Variants in STK32C observed in about 807,000 individuals in gnomAD.
STK32C encodes the protein serine/threonine-protein kinase 32C.
STK32C carries 31 observed loss-of-function variants against 56.5 expected under a neutral mutation model. The ratio of observed to expected loss-of-function variants is 0.55; its 90% CI spans 0.41 to 0.74. The LOEUF is 0.74. Among genes scored for constraint, STK32C ranks in the 30% least tolerant of loss-of-function variants. The probability of loss-of-function intolerance (pLI) is 0.00; values close to 1 mark genes in which losing one functional copy is unlikely to be tolerated. For synonymous variants in STK32C, 309 were observed against 289.4 expected, an observed-to-expected ratio of 1.07 and a Z score of -0.69; for missense variants, 544 against 676.9, an observed-to-expected ratio of 0.80 and a Z score of 2.18.
intron 1 of STK32C, among the ~76,000 whole-genome samples, chr10:132,263,259 G>A (rs371822541): frequency 2.0e-5 from 3 of 152,102 alleles, no homozygotes; most frequent in South Asian, 2.1e-4. Context: ...TCACACAATC[G>A]TAAAAAAGAG....
chr10:132,319,124 T>C (rs1274477155), downstream of STK32C, among the ~76,000 whole-genome samples: 1 of 151,782 alleles, frequency 6.6e-6, no homozygotes, highest in Non-Finnish European at 1.5e-5. Context: ...AGTTTTTGTA[T>C]TTTTAGTAGA....
intron 4 of STK32C, among the ~76,000 whole-genome samples, chr10:132,226,361 A>G (rs1161454058): frequency 6.6e-6 from 1 of 152,000 alleles, no homozygotes; most frequent in Non-Finnish European, 1.5e-5. Context: ...TCTTTTTTTA[A>G]ATTTTATTTT....
chr10:132,223,438 C>T (rs556979161), intron 8 of STK32C, among the ~76,000 whole-genome samples: 18 of 152,372 alleles, frequency 1.2e-4, no homozygotes, highest in Middle Eastern at 3.4e-3. Context: ...AACATCCCAG[C>T]GCTGGCACCT....
At chr10:132,304,974 T>G (rs952076106) in intron 1 of STK32C, among the ~76,000 whole-genome samples, 16 of 152,124 alleles carry the variant, frequency 1.1e-4, no homozygotes, top group African/African-American at 3.9e-4. Flanking sequence ...GTTGCAGAGC[T>G]GCTTAGCGGG....
chr10:132,292,546 C>G (rs1030128616), intron 1 of STK32C, among the ~76,000 whole-genome samples: 1 of 152,194 alleles, frequency 6.6e-6, no homozygotes, highest in African/African-American at 2.4e-5. Context: ...CATGCACACA[C>G]TCACATGCTC....
chr10:132,223,540 C>T (rs943264461), intron 8 of STK32C, among the ~76,000 whole-genome samples: 6 of 152,258 alleles, frequency 3.9e-5, no homozygotes, highest in Non-Finnish European at 7.3e-5. Context: ...CCAGTCCCCA[C>T]GCAGGCCCTC....
chr10:132,284,472 T>G, intron 1 of STK32C, among the ~76,000 whole-genome samples: 1 of 147,874 alleles, frequency 6.8e-6, no homozygotes, highest in Non-Finnish European at 1.5e-5. Context: ...CAGGTGAGGT[T>G]GGGAGGGCAG....
chr10:132,270,540 G>A (rs780387338), intron 1 of STK32C, among the ~76,000 whole-genome samples: 3 of 152,354 alleles, frequency 2.0e-5, no homozygotes, highest in Non-Finnish European at 2.9e-5. Flanking sequence ...TGTGGGAACC[G>A]CAGGGTATGG....
intron 1 of STK32C, among the ~76,000 whole-genome samples, chr10:132,299,999 C>T (rs1345983065): frequency 6.6e-6 from 1 of 152,240 alleles, no homozygotes; most frequent in African/African-American, 2.4e-5. Context: ...CTGCTCACAT[C>T]CCAGCATCGT....
chr10:132,269,629 T>A (rs1476904866), intron 1 of STK32C, among the ~76,000 whole-genome samples: 3 of 152,224 alleles, frequency 2.0e-5, no homozygotes, highest in Non-Finnish European at 4.4e-5. Flanking sequence ...ATGGTCTTAT[T>A]TTCCAAACCT....
intron 1 of STK32C, chr10:132,249,177 G>A: frequency 5.1e-6 from 2 of 391,842 alleles, no homozygotes; most frequent in African/African-American, 2.1e-5. Context: ...GGGGCTATGG[G>A]GGTCAGGGCG....
chr10:132,225,175 G>C, intron 7 of STK32C, 58 bp downstream of exon 7: 1 of 1,426,370 alleles, frequency 7.0e-7, no homozygotes, highest in Non-Finnish European at 9.5e-7. Flanking sequence ...CCCAGCACTG[G>C]TGGGGGCAGA....
At chr10:132,277,060 A>C (rs2065015520) in intron 1 of STK32C, among the ~76,000 whole-genome samples, 1 of 152,258 alleles carries the variant, frequency 6.6e-6, no homozygotes, top group Non-Finnish European at 1.5e-5. Context: ...GAAGTAAGGA[A>C]AGGCATTATT....
chr10:132,322,804 T>TG (rs934407670), downstream of STK32C, among the ~76,000 whole-genome samples: 8 of 152,224 alleles, frequency 5.3e-5, no homozygotes, highest in Non-Finnish European at 1.0e-4. Context: ...TCCAGTGTCC[T>TG]GGGGTGGAGG....
intron 2 of STK32C, 36 bp from the exon 3 acceptor site, chr10:132,228,164 G>A (rs2062961661): frequency 6.2e-7 from 1 of 1,613,466 alleles, no homozygotes; most frequent in African/African-American, 1.3e-5. Flanking sequence ...GGACGCCTGA[G>A]GACGCCTGGG....
chr10:132,260,519 G>A (rs1374041660), intron 1 of STK32C, among the ~76,000 whole-genome samples: 1 of 152,220 alleles, frequency 6.6e-6, no homozygotes, highest in African/African-American at 2.4e-5. Flanking sequence ...TTGGGATGCT[G>A]GGCACCGTTG....
At chr10:132,225,684 C>T (rs2062862549) in intron 5 of STK32C, 63 bp downstream of exon 5, 7 of 1,611,494 alleles carry the variant, frequency 4.3e-6, no homozygotes, top group Non-Finnish European at 5.9e-6. Context: ...CAGGATCCTC[C>T]TCCCCTGACA....
At chr10:132,296,866 G>A (rs373994565) in intron 1 of STK32C, among the ~76,000 whole-genome samples, 6 of 152,198 alleles carry the variant, frequency 3.9e-5, no homozygotes, top group South Asian at 2.1e-4. Flanking sequence ...TCGCAGGCCC[G>A]CGCCCTCTGG....
chr10:132,246,602 C>T (rs12240743), intron 1 of STK32C, among the ~76,000 whole-genome samples: 23,075 of 152,232 alleles, frequency 0.15, 1,908 homozygotes, highest in East Asian at 0.24. Flanking sequence ...GCAGAAGGCA[C>T]CATTTCCCAC....
Sources: allele counts gnomAD v4.1 joint callset (sites outside exome capture counted in the v4.1 genomes callset), GRCh38; gene constraint gnomAD v4.1.1; transcripts MANE v1.5; gene names NCBI Gene and HGNC (gene_info 2026-07-23, HGNC 2026-07-21).